The following EBF1 variants were observed in gnomAD, a reference collection of about 807,000 sequenced individuals.
EBF1 encodes the protein transcription factor COE1.
A neutral mutation model predicts 68.4 loss-of-function variants in EBF1; 10 were observed. The observed-to-expected ratio is 0.15, with a 90% CI of 0.09 to 0.25. The LOEUF (loss-of-function observed/expected upper bound fraction) is 0.25, where lower values mean the gene tolerates loss of function less well. Ranked by LOEUF, EBF1 falls within the 10% of genes least tolerant of loss-of-function variation. EBF1 has a pLI of 1.00. For synonymous variants in EBF1, 298 were observed against 299.8 expected (o/e 0.99, Z 0.06); for missense variants, 509 against 794.4 (o/e 0.64, Z 4.32).
At chr5:158,947,732 C>G (rs1815092052) in intron 6 of EBF1, among the ~76,000 whole-genome samples, 1 of 152,148 alleles carries the variant, frequency 6.6e-6, no homozygotes, top group Non-Finnish European at 1.5e-5. Context: ...GGGATAGCAG[C>G]CAACAGAAAT....
chr5:158,728,354 A>G (rs895679021), intron 11 of EBF1, among the ~76,000 whole-genome samples: 24 of 152,086 alleles, frequency 1.6e-4, no homozygotes, highest in African/African-American at 5.6e-4. Context: ...CAAACCCAGG[A>G]AAAAAGGGTT....
chr5:158,966,618 T>C (rs1754199614), intron 6 of EBF1, among the ~76,000 whole-genome samples: 1 of 152,108 alleles, frequency 6.6e-6, no homozygotes, highest in South Asian at 2.1e-4. Flanking sequence ...CCCAAGAAAC[T>C]CAAACCAAAC....
chr5:158,925,649 G>A (rs949279831), intron 6 of EBF1, among the ~76,000 whole-genome samples: 1 of 152,174 alleles, frequency 6.6e-6, no homozygotes, highest in Admixed American at 6.5e-5. Flanking sequence ...CACAACAGAA[G>A]AAAATAGAAA....
intron 10 of EBF1, among the ~76,000 whole-genome samples, chr5:158,775,537 G>A (rs1167224219): frequency 2.0e-5 from 3 of 151,796 alleles, no homozygotes; most frequent in South Asian, 2.1e-4. Context: ...AGCAGCCAGC[G>A]AGGCCTAATG....
intron 11 of EBF1, among the ~76,000 whole-genome samples, chr5:158,719,304 T>C (rs1295237441): frequency 6.6e-6 from 1 of 152,166 alleles, no homozygotes; most frequent in Non-Finnish European, 1.5e-5. Flanking sequence ...TTATCTCAAG[T>C]TATAGGCTGC....
At chr5:159,014,600 G>A (rs1765312068) in intron 6 of EBF1, among the ~76,000 whole-genome samples, 3 of 152,196 alleles carry the variant, frequency 2.0e-5, no homozygotes, top group African/African-American at 7.2e-5. Flanking sequence ...GTCTATTGCT[G>A]ACCCCAAATA....
At chr5:158,819,852 G>A (rs1057233285) in intron 8 of EBF1, among the ~76,000 whole-genome samples, 17 of 152,244 alleles carry the variant, frequency 1.1e-4, no homozygotes, top group Admixed American at 9.2e-4. Context: ...GAGAAAGTAC[G>A]GGGGAAGACC....
intron 6 of EBF1, among the ~76,000 whole-genome samples, chr5:158,932,053 T>C (rs1810996151): frequency 6.6e-6 from 1 of 152,146 alleles, no homozygotes; most frequent in Non-Finnish European, 1.5e-5. Context: ...GGATGGGCAC[T>C]CTCACCCGTG....
intron 6 of EBF1, among the ~76,000 whole-genome samples, chr5:159,073,151 A>C (rs1243285355): frequency 1.3e-5 from 2 of 152,238 alleles, no homozygotes; most frequent in African/African-American, 2.4e-5. Context: ...AAGTCAGGAA[A>C]GAAAAAATAT....
At chr5:158,784,037 A>G (rs973332828) in intron 9 of EBF1, among the ~76,000 whole-genome samples, 1 of 152,110 alleles carries the variant, frequency 6.6e-6, no homozygotes, top group African/African-American at 2.4e-5. Flanking sequence ...TATTATCTAT[A>G]TTGTTCTAGT....
At chr5:158,920,447 C>T (rs896628643) in intron 6 of EBF1, among the ~76,000 whole-genome samples, 10 of 152,186 alleles carry the variant, frequency 6.6e-5, no homozygotes, top group African/African-American at 1.9e-4. Context: ...AAGAATATGT[C>T]GTTCCCTGCC....
At chr5:158,831,765 G>T (rs1313827105) in intron 7 of EBF1, among the ~76,000 whole-genome samples, 3 of 152,180 alleles carry the variant, frequency 2.0e-5, no homozygotes, top group African/African-American at 7.2e-5. Flanking sequence ...TACTCCCAAA[G>T]TGCTCGACTT....
intron 6 of EBF1, among the ~76,000 whole-genome samples, chr5:158,860,515 G>A (rs1794787168): frequency 6.6e-6 from 1 of 152,148 alleles, no homozygotes; most frequent in South Asian, 2.1e-4. Context: ...ACCACCATGT[G>A]GACAGGAGCC....
At chr5:159,021,616 C>T (rs1766701301) in intron 6 of EBF1, among the ~76,000 whole-genome samples, 1 of 152,236 alleles carries the variant, frequency 6.6e-6, no homozygotes, top group African/African-American at 2.4e-5. Context: ...TGCCCAAGAA[C>T]TACTCAGCTC....
chr5:158,699,180 G>C, intron 15 of EBF1, 38 bp from the exon 16 acceptor site: 1 of 1,564,932 alleles, frequency 6.4e-7, no homozygotes, highest in Non-Finnish European at 8.7e-7. Context: ...GTTTCTTTGC[G>C]TTCAAACTTC....
chr5:158,708,708 G>C (rs532288418), intron 14 of EBF1, among the ~76,000 whole-genome samples: 1 of 152,314 alleles, frequency 6.6e-6, no homozygotes, highest in Non-Finnish European at 1.5e-5. Context: ...ATCCCAGGTA[G>C]AGCCTAAACT....
At chr5:158,710,714 G>A (rs1759029591) in intron 14 of EBF1, among the ~76,000 whole-genome samples, 1 of 152,074 alleles carries the variant, frequency 6.6e-6, no homozygotes, top group Non-Finnish European at 1.5e-5. Flanking sequence ...TCTCTTACAG[G>A]GCAAGAATGA....
In EBF1 at chr5:158,777,699, T is replaced by C. The variant is rs558319240; in HGVS notation, c.910-160A>G. 2.0e-5 allele frequency among the ~76,000 whole-genome samples: 3 copies of C among 152,296 alleles called. No individual in the cohort carries two copies. In the South Asian group the frequency reaches 6.2e-4, roughly 32 times the overall value. On this transcript the variant is annotated intron_variant, in intron 9 of 15. Transcript: ENST00000313708. ...CCTGCGTGAAAGACACTGACAACAA[T>C]ATTTACAAATGCTCTGAGTACAGCC... is the stretch of plus-strand genomic sequence containing the variant.
At chr5:159,001,256 TAAGA>T (rs1434815988) in intron 6 of EBF1, among the ~76,000 whole-genome samples, 3 of 152,094 alleles carry the variant, frequency 2.0e-5, no homozygotes, top group Non-Finnish European at 4.4e-5. Flanking sequence ...TTTAAATGAG[TAAGA>T]AAGAAATTTT....
Sources: allele counts gnomAD v4.1 joint callset (sites outside exome capture counted in the v4.1 genomes callset), GRCh38; gene constraint gnomAD v4.1.1; transcripts MANE v1.5; gene names NCBI Gene and HGNC (gene_info 2026-07-23, HGNC 2026-07-21).